The following SCMH1 variants were observed in gnomAD, a reference collection of about 807,000 sequenced individuals.
SCMH1 encodes polycomb protein SCMH1.
A neutral mutation model predicts 70.8 loss-of-function variants in SCMH1; 37 were observed. The observed-to-expected ratio is 0.52, with a 90% CI of 0.40 to 0.69. The LOEUF (loss-of-function observed/expected upper bound fraction) is 0.69, where lower values mean the gene tolerates loss of function less well. Among genes scored for constraint, SCMH1 ranks in the 30% least tolerant of loss-of-function variants. The pLI, the probability that SCMH1 is intolerant of heterozygous loss-of-function variation, is 0.00. For synonymous variants in SCMH1, 292 were observed against 307.4 expected, an observed-to-expected ratio of 0.95 and a Z score of 0.52; for missense variants, 607 against 827.3, an observed-to-expected ratio of 0.73 and a Z score of 3.27.
intron 1 of SCMH1, among the ~76,000 whole-genome samples, chr1:41,233,203 T>C (rs1365443309): frequency 1.4e-5 from 2 of 143,092 alleles, no homozygotes; most frequent in Non-Finnish European, 3.0e-5. Context: ...ATAAGCCATA[T>C]ATATATAAGC....
intron 8 of SCMH1, among the ~76,000 whole-genome samples, chr1:41,086,463 A>C (rs1036852791): frequency 6.6e-6 from 1 of 152,184 alleles, no homozygotes; most frequent in African/African-American, 2.4e-5. Flanking sequence ...TTGTTCTTTT[A>C]TTTTTCAATA....
chr1:41,086,611 A>T (rs960473550), intron 8 of SCMH1, among the ~76,000 whole-genome samples: 11 of 151,910 alleles, frequency 7.2e-5, no homozygotes, highest in East Asian at 1.9e-4. Flanking sequence ...TGTATGTATT[A>T]AAAAAAACCA....
intron 10 of SCMH1, among the ~76,000 whole-genome samples, chr1:41,053,203 G>T (rs1322156848): frequency 6.6e-6 from 1 of 151,652 alleles, no homozygotes; most frequent in Non-Finnish European, 1.5e-5. Context: ...CTTAAGATCT[G>T]TACATTTCAC....
At chr1:41,028,184 C>T in exon 15 of SCMH1, 2 of 1,614,062 alleles carry the variant, frequency 1.2e-6, no homozygotes, top group Non-Finnish European at 1.7e-6. Flanking sequence ...TCTAGGCTGC[C>T]TCTCCTGGTT....
chr1:41,173,873 C>G (rs1044697545), intron 2 of SCMH1, among the ~76,000 whole-genome samples: 2 of 151,958 alleles, frequency 1.3e-5, no homozygotes, highest in Non-Finnish European at 2.9e-5. Context: ...GAAAGAAATA[C>G]CACATGTTTT....
exon 12 of SCMH1, chr1:41,046,423 G>A (rs766824144): frequency 1.4e-5 from 22 of 1,613,964 alleles, no homozygotes; most frequent in Admixed American, 5.0e-5. Flanking sequence ...GGTACCTGTC[G>A]TGGCTGTGGC....
rs760778515 is a variant in SCMH1, at chr1:41,113,272, TG to T, written c.745+10del. Reference sequence around the variant, plus strand: ...GGTCCTGATTTCAAGAGCACGTAGATGGGCCTTTACCTTTGGTGCCAGGAGG... The same window carrying T: ...GGTCCTGATTTCAAGAGCACGTAGATGGCCTTTACCTTTGGTGCCAGGAGG... On this transcript the variant is annotated intron_variant, in intron 8 of 14. Coordinates refer to ENST00000337495, the Ensembl canonical transcript of SCMH1. The surrounding 1 kb of genome is among the most constrained non-coding windows in gnomAD (Gnocchi z 4.3). 1.2e-6 allele frequency: 2 copies of T among 1,611,720 alleles called. No individual in the cohort carries two copies. Among genetic ancestry groups the T allele is most frequent in the Admixed American group, 3.4e-5 (2 of 59,592 alleles).
At chr1:41,149,510 C>A (rs1644875964) in intron 5 of SCMH1, among the ~76,000 whole-genome samples, 1 of 152,124 alleles carries the variant, frequency 6.6e-6, no homozygotes, top group Non-Finnish European at 1.5e-5. Context: ...CATTTTCCTG[C>A]CTCTTTGCAT....
intron 6 of SCMH1, among the ~76,000 whole-genome samples, chr1:41,135,246 A>G (rs1401906642): frequency 6.6e-6 from 1 of 152,092 alleles, no homozygotes; most frequent in Non-Finnish European, 1.5e-5. Flanking sequence ...CTAGAATGAC[A>G]CTATTCAGTA....
rs1267260497 is a variant in SCMH1, at chr1:41,028,731, A to G, written c.1679-5T>C. On this transcript the variant is annotated splice_region_variant and splice_polypyrimidine_tract_variant and intron_variant, in intron 13 of 14. Transcript: ENST00000337495. ...TCTCCAGGTATCGGTCCGACCCTGC[A>G]GGACAGGAGGGCACCTACCATAAAG... 3.7e-6 allele frequency: 6 copies of G among 1,613,838 alleles called. No homozygotes were observed. Among genetic ancestry groups the G allele is most frequent in the South Asian group, 1.1e-5 (1 of 91,076 alleles).
chr1:41,083,046 T>G (rs1017059450), intron 8 of SCMH1, among the ~76,000 whole-genome samples: 4 of 152,166 alleles, frequency 2.6e-5, no homozygotes, highest in African/African-American at 9.7e-5. Context: ...CTGGAAGCAT[T>G]CCCTTTGAAA....
chr1:41,122,647 G>A (rs182824867), intron 6 of SCMH1, among the ~76,000 whole-genome samples: 9 of 152,236 alleles, frequency 5.9e-5, no homozygotes, highest in East Asian at 3.9e-4. Context: ...CATCTTGCAG[G>A]TAAGGGCACT....
At chr1:41,042,889 G>A (rs1646386234) in intron 12 of SCMH1, among the ~76,000 whole-genome samples, 1 of 151,974 alleles carries the variant, frequency 6.6e-6, no homozygotes, top group South Asian at 2.1e-4. Flanking sequence ...TATTCAAAAT[G>A]CCAATGTCAC....
chr1:41,152,690 C>T, intron 4 of SCMH1: 1 of 1,614,102 alleles, frequency 6.2e-7, no homozygotes, highest in Non-Finnish European at 8.5e-7. Flanking sequence ...GAAGTTTCCT[C>T]TGTAGTGGAG....
At chr1:41,068,578 G>C (rs1351673936) in intron 10 of SCMH1, among the ~76,000 whole-genome samples, 3 of 151,950 alleles carry the variant, frequency 2.0e-5, no homozygotes, top group Non-Finnish European at 4.4e-5. Context: ...GCTAATTTTT[G>C]TATTTTTGGT....
At chr1:41,156,122 T>C (rs1557683485) in intron 4 of SCMH1, among the ~76,000 whole-genome samples, 1 of 152,172 alleles carries the variant, frequency 6.6e-6, no homozygotes, top group African/African-American at 2.4e-5. Context: ...CCGCTCTTTA[T>C]AGTCAGCCAA....
Position 41,139,721 on chromosome 1 carries a change from T to C in SCMH1, c.412+3157A>G, listed in dbSNP as rs1643878876. 2.0e-5 allele frequency among the ~76,000 whole-genome samples: 3 copies of C among 152,054 alleles called. No individual in the cohort carries two copies. In the South Asian group the frequency reaches 6.2e-4, roughly 32 times the overall value. On this transcript the variant is annotated intron_variant, in intron 6 of 14. Coordinates refer to ENST00000337495, the Ensembl canonical transcript of SCMH1. ...ACATACACACATAGACACACACACA[T>C]GCCTAAATTTTTTATAAAATTGAAT...
chr1:41,211,181 T>C (rs985794650), intron 1 of SCMH1, among the ~76,000 whole-genome samples: 4 of 152,112 alleles, frequency 2.6e-5, no homozygotes, highest in Non-Finnish European at 5.9e-5. Context: ...CTAATTAAAC[T>C]AAAGAGCTTC....
At chr1:41,173,394 T>C (rs1646912611) in intron 2 of SCMH1, among the ~76,000 whole-genome samples, 1 of 152,094 alleles carries the variant, frequency 6.6e-6, no homozygotes, top group Non-Finnish European at 1.5e-5. Flanking sequence ...ATCAGGGAAA[T>C]GCAAATCAAA....
Sources: allele counts gnomAD v4.1 joint callset (sites outside exome capture counted in the v4.1 genomes callset), GRCh38; gene constraint gnomAD v4.1.1; non-coding constraint Gnocchi (gnomAD v3.1); transcripts MANE v1.5; gene names NCBI Gene and HGNC (gene_info 2026-07-23, HGNC 2026-07-21).